ARHGAP22: variants seen among roughly 807,000 people sequenced by gnomAD.
ARHGAP22 encodes the protein Rho GTPase activating protein 22.
In ARHGAP22, 48 loss-of-function variants were observed where a neutral mutation model predicts 59.1. The ratio of observed to expected loss-of-function variants is 0.81; its 90% CI spans 0.64 to 1.03. ARHGAP22 has a LOEUF of 1.03. Ranked by LOEUF, ARHGAP22 falls within the 50% of genes least tolerant of loss-of-function variation. ARHGAP22 has a pLI of 0.00. For missense variants in ARHGAP22, 1,015 were observed against 958.7 expected (o/e 1.06, Z -0.78); for synonymous variants, 445 against 416.4 (o/e 1.07, Z -0.84).
intron 3 of ARHGAP22, among the ~76,000 whole-genome samples, chr10:48,549,551 G>T (rs947209273): frequency 2.0e-5 from 3 of 152,086 alleles, no homozygotes; most frequent in African/African-American, 7.2e-5. Context: ...AATTATCTGG[G>T]GTGGGAGAGC....
intron 1 of ARHGAP22, among the ~76,000 whole-genome samples, chr10:48,643,067 A>G (rs2062122150): frequency 6.6e-6 from 1 of 152,220 alleles, no homozygotes; most frequent in Non-Finnish European, 1.5e-5. Flanking sequence ...TAGAATGGCA[A>G]TCATTAAAAA....
chr10:48,646,600 A>AT (rs1401377996), intron 1 of ARHGAP22, among the ~76,000 whole-genome samples: 9 of 152,174 alleles, frequency 5.9e-5, no homozygotes, highest in Admixed American at 5.9e-4. Flanking sequence ...TTTTTAACAA[A>AT]TGGTGTTGGG....
intron 1 of ARHGAP22, among the ~76,000 whole-genome samples, chr10:48,600,874 G>T (rs1318958710): frequency 6.6e-6 from 1 of 152,218 alleles, no homozygotes; most frequent in African/African-American, 2.4e-5. Context: ...AGACTGCTGG[G>T]TGATTCCCTT....
intron 9 of ARHGAP22, among the ~76,000 whole-genome samples, chr10:48,447,489 G>A (rs2133504277): frequency 6.6e-6 from 1 of 152,320 alleles, no homozygotes; most frequent in South Asian, 2.1e-4. Flanking sequence ...GGTACGTGGT[G>A]CATGATGAAT....
intron 4 of ARHGAP22, among the ~76,000 whole-genome samples, chr10:48,475,357 T>G (rs1042951307): frequency 2.6e-5 from 4 of 152,168 alleles, no homozygotes; most frequent in Non-Finnish European, 5.9e-5. Context: ...ACCCCATCTA[T>G]GTGCTGATGG....
intron 5 of ARHGAP22, among the ~76,000 whole-genome samples, chr10:48,459,316 C>T (rs1283055607): frequency 3.3e-5 from 5 of 151,212 alleles, no homozygotes; most frequent in South Asian, 2.1e-4. Context: ...GGTAGGTCAC[C>T]GGAGGAAGCA....
chr10:48,490,488 G>C (rs938378898), intron 3 of ARHGAP22, among the ~76,000 whole-genome samples: 6 of 152,086 alleles, frequency 3.9e-5, no homozygotes, highest in Non-Finnish European at 8.8e-5. Flanking sequence ...ACATTGATAC[G>C]GAACAGCCAG....
the ARHGAP22 span, among the ~76,000 whole-genome samples, chr10:48,433,502 C>G: frequency 6.6e-6 from 1 of 152,140 alleles, no homozygotes; most frequent in Non-Finnish European, 1.5e-5. Flanking sequence ...GACTGGGAAG[C>G]TAATGGACCT....
intron 3 of ARHGAP22, among the ~76,000 whole-genome samples, chr10:48,507,627 G>T (rs973751424): frequency 8.5e-5 from 13 of 152,116 alleles, no homozygotes; most frequent in Non-Finnish European, 2.9e-5. Context: ...TGTGTGCTGG[G>T]TCCTCTCCCA....
At chr10:48,462,749 G>A (rs1203733325) in intron 4 of ARHGAP22, among the ~76,000 whole-genome samples, 1 of 152,230 alleles carries the variant, frequency 6.6e-6, no homozygotes, top group Admixed American at 6.5e-5. Flanking sequence ...CCCAGAAATG[G>A]GACCCAAGGG....
chr10:48,443,139 C>T (rs140274176), downstream of ARHGAP22, among the ~76,000 whole-genome samples: 9 of 152,206 alleles, frequency 5.9e-5, no homozygotes, highest in East Asian at 5.8e-4. Flanking sequence ...TCTCAAAGAC[C>T]GCTGTGCATT....
chr10:48,608,951 T>C (rs80304637), upstream of ARHGAP22, among the ~76,000 whole-genome samples: 8,613 of 152,288 alleles, frequency 0.057, 829 homozygotes, highest in African/African-American at 0.2. Context: ...TGTTTCTACA[T>C]GGTGGATAAT....
intron 2 of ARHGAP22, among the ~76,000 whole-genome samples, chr10:48,576,768 C>A (rs1048639519): frequency 5.3e-5 from 8 of 152,100 alleles, no homozygotes; most frequent in African/African-American, 1.9e-4. Flanking sequence ...CTATCTTTCT[C>A]CTTTTTTTAA....
At chr10:48,603,617 G>T (rs756485673) in intron 1 of ARHGAP22, among the ~76,000 whole-genome samples, 17 of 152,228 alleles carry the variant, frequency 1.1e-4, no homozygotes, top group Non-Finnish European at 2.2e-4. Context: ...TCTCGCAGAG[G>T]TATCTGGCTT....
intron 2 of ARHGAP22, chr10:48,574,563 A>G (rs1245109098): frequency 6.6e-6 from 1 of 152,252 alleles, no homozygotes; most frequent in Non-Finnish European, 1.5e-5. Context: ...GAGGTCCAGA[A>G]GTGAAGGGCA....
chr10:48,522,574 G>A (rs1489451324), intron 3 of ARHGAP22, among the ~76,000 whole-genome samples: 2 of 152,200 alleles, frequency 1.3e-5, no homozygotes, highest in Admixed American at 6.5e-5. Context: ...GACTAAAGCT[G>A]CTCGTCCAGG....
chr10:48,479,695 C>T lies in ARHGAP22; in HGVS notation c.392G>A (p.Arg131His), dbSNP rs577635267. The T allele has an allele frequency of 3.5e-5, 56 of 1,611,618 alleles. No homozygotes were observed. In the South Asian group the frequency reaches 5.1e-4, roughly 15 times the overall value. ...EALLLMASSQ[R>H]DMEDWVQAIR... ...GGCCTGCACCCAGTCCTCCATGTCA[C>T]GCTGGGAGCTGGCCATGAGCAGGAG... Residue 131 changes from arginine to histidine, a missense_variant, in exon 4 of 10, where the codon CGT becomes CAT. Transcript: ENST00000249601.
At chr10:48,528,106 GTGC>G (rs2054498832) in intron 3 of ARHGAP22, among the ~76,000 whole-genome samples, 1 of 152,098 alleles carries the variant, frequency 6.6e-6, no homozygotes, top group Non-Finnish European at 1.5e-5. Flanking sequence ...TTTCTAGGGG[GTGC>G]TGCTGCTGCT....
At chr10:48,577,340 G>T (rs1313502646) in intron 2 of ARHGAP22, among the ~76,000 whole-genome samples, 1 of 152,056 alleles carries the variant, frequency 6.6e-6, no homozygotes, top group Non-Finnish European at 1.5e-5. Flanking sequence ...TTTTGTCTTG[G>T]TTCCTCAAAT....
Sources: gnomAD v4.1 joint callset for allele counts (sites outside exome capture counted in the v4.1 genomes callset) on GRCh38, gnomAD v4.1.1 for gene constraint, MANE v1.5 for transcripts, NCBI Gene and HGNC (gene_info 2026-07-23, HGNC 2026-07-21) for gene names.